TMEM38B: variants seen among roughly 807,000 people sequenced by gnomAD.
The protein encoded by TMEM38B is transmembrane protein 38B.
In TMEM38B, 24 loss-of-function variants were observed where a neutral mutation model predicts 28.7. The observed-to-expected ratio is 0.84, with a 90% CI of 0.61 to 1.18. TMEM38B has a LOEUF of 1.18. Among genes scored for constraint, TMEM38B ranks in the 50% most tolerant of loss-of-function variants. TMEM38B has a pLI of 0.00. For synonymous variants in TMEM38B, 131 were observed against 127.7 expected (o/e 1.03, Z -0.17); for missense variants, 380 against 350.9 (o/e 1.08, Z -0.66).
intron 4 of TMEM38B, among the ~76,000 whole-genome samples, chr9:105,744,742 C>T (rs1243124089): frequency 6.6e-6 from 1 of 152,066 alleles, no homozygotes; most frequent in East Asian, 1.9e-4. Context: ...CCCATTTCCC[C>T]CACCCCATGA....
chr9:105,729,086 T>G (rs997978334), intron 4 of TMEM38B, among the ~76,000 whole-genome samples: 25 of 152,230 alleles, frequency 1.6e-4, no homozygotes, highest in Admixed American at 1.5e-3. Context: ...TTAGTTTAAT[T>G]AGATCCCATT....
intron 4 of TMEM38B, among the ~76,000 whole-genome samples, chr9:105,731,265 G>T (rs1011016326): frequency 9.9e-5 from 15 of 151,414 alleles, no homozygotes; most frequent in African/African-American, 3.6e-4. Flanking sequence ...GTACGTTGTA[G>T]CTTTGTTCTC....
intron 5 of TMEM38B, among the ~76,000 whole-genome samples, chr9:105,750,446 A>G (rs1453340326): frequency 1.3e-5 from 2 of 152,258 alleles, no homozygotes; most frequent in East Asian, 3.9e-4. Context: ...CAACATGGTG[A>G]AACCCCATCT....
intron 4 of TMEM38B, among the ~76,000 whole-genome samples, chr9:105,738,226 A>AG (rs1374155870): frequency 6.6e-6 from 1 of 151,838 alleles, no homozygotes. Context: ...GGTCTGCAGA[A>AG]GTCCACAGTG....
intron 4 of TMEM38B, among the ~76,000 whole-genome samples, chr9:105,736,999 A>T (rs996556968): frequency 6.6e-6 from 1 of 152,150 alleles, no homozygotes; most frequent in East Asian, 1.9e-4. Context: ...TTTTCCCAGC[A>T]ACGGGATGGA....
intron 1 of TMEM38B, among the ~76,000 whole-genome samples, chr9:105,699,093 A>G (rs543902900): frequency 2.0e-5 from 3 of 152,146 alleles, no homozygotes; most frequent in East Asian, 3.9e-4. Flanking sequence ...TTTACACTCC[A>G]TATATGTCTT....
intron 4 of TMEM38B, among the ~76,000 whole-genome samples, chr9:105,738,210 C>T (rs1401725681): frequency 6.6e-6 from 1 of 151,812 alleles, no homozygotes; most frequent in Non-Finnish European, 1.5e-5. Context: ...GGCTCAGTAC[C>T]TATGAGGTCT....
intron 3 of TMEM38B, 58 bp from the exon 4 acceptor site, chr9:105,722,476 A>C: frequency 2.3e-6 from 3 of 1,324,024 alleles, no homozygotes; most frequent in Non-Finnish European, 3.3e-6. Context: ...GGCTCCCTTT[A>C]AATATGTTTT....
In TMEM38B at chr9:105,694,782, G is replaced by C; in HGVS notation, c.112+10G>C. 6.2e-7 allele frequency: 1 copy of C among 1,608,086 alleles called. No individual in the cohort carries two copies. Among genetic ancestry groups the C allele is most frequent in the Non-Finnish European group, 8.5e-7 (1 of 1,176,986 alleles). ...GTGAAACGTCAGCCGGGTGAGTGCG[G>C]GGCGCCGCGGGCCGGACCCCTCAGA... On this transcript the variant is annotated intron_variant, in intron 1 of 5. Coordinates refer to ENST00000374692, the MANE Select transcript of TMEM38B (RefSeq NM_018112.3).
intron 5 of TMEM38B, among the ~76,000 whole-genome samples, chr9:105,753,179 C>G (rs1371970484): frequency 2.0e-5 from 3 of 151,980 alleles, no homozygotes; most frequent in Non-Finnish European, 4.4e-5. Context: ...TGTAAAGAGA[C>G]AGAACCTATG....
intron 3 of TMEM38B, 22 bp downstream of exon 3, chr9:105,721,743 C>T: frequency 6.4e-7 from 1 of 1,553,246 alleles, no homozygotes; most frequent in South Asian, 1.2e-5. Context: ...AATATGTGTT[C>T]ATAAATATTC....
intron 4 of TMEM38B, among the ~76,000 whole-genome samples, chr9:105,732,181 T>A (rs978089725): frequency 6.6e-6 from 1 of 152,224 alleles, no homozygotes; most frequent in Non-Finnish European, 1.5e-5. Flanking sequence ...TAAATTTGTT[T>A]AAGTTCTTTG....
chr9:105,761,092 GAA>G (rs1838029382), intron 5 of TMEM38B, among the ~76,000 whole-genome samples: 1 of 152,142 alleles, frequency 6.6e-6, no homozygotes, highest in East Asian at 1.9e-4. Context: ...GTTTTTAAAA[GAA>G]AATTTATCTG....
intron 4 of TMEM38B, among the ~76,000 whole-genome samples, chr9:105,736,123 C>T (rs1287380008): frequency 1.3e-5 from 2 of 151,226 alleles, no homozygotes; most frequent in African/African-American, 2.4e-5. Context: ...CTCCTGGCCT[C>T]AAGCAGCCCT....
At chr9:105,763,391 G>A (rs761780547) in intron 5 of TMEM38B, among the ~76,000 whole-genome samples, 2 of 152,068 alleles carry the variant, frequency 1.3e-5, no homozygotes, top group African/African-American at 4.8e-5. Context: ...TATGCTTTTA[G>A]GTCTAACGTT....
rs1211113026 is a variant in TMEM38B at position 105,746,821 on chromosome 9, A to G, written c.543-1252A>G. On this transcript the variant is annotated intron_variant, in intron 4 of 5. Coordinates refer to ENST00000374692, the MANE Select transcript of TMEM38B (RefSeq NM_018112.3). ...GAATTTTGTCAAAGGCTTTTTCTGC[A>G]TCTATTGAGATAATCGTGGTTTTTG... 2.0e-5 allele frequency among the ~76,000 whole-genome samples: 3 copies of G among 152,350 alleles called. No homozygotes were observed. The East Asian group carries it at 5.8e-4, about 29-fold the overall frequency.
Position 105,775,804 on chromosome 9 carries a change from T to C in TMEM38B, c.*1724T>C, listed in dbSNP as rs1826706870. On this transcript the variant is annotated 3_prime_UTR_variant, in exon 6 of 6. Transcript: ENST00000374692. ...TAAAGATAAATTTATTAAAATAAGT[T>C]ATTTAGCACCAATGGAGTATTACAT... 1 of 152,160 alleles carries C rather than the reference T, an allele frequency of 6.6e-6. No homozygotes were observed. The allele number at this position is 152,160 out of a possible 1,614,324, so 9.4% of individuals were successfully genotyped here.
chr9:105,739,376 C>G (rs573885166), intron 4 of TMEM38B, among the ~76,000 whole-genome samples: 23 of 150,588 alleles, frequency 1.5e-4, no homozygotes, highest in African/African-American at 5.6e-4. Context: ...TTTGAGGCTT[C>G]CGTAAAAATC....
Position 105,773,945 on chromosome 9 carries a change from G to A in TMEM38B, c.741G>A (p.Trp247Ter). The A allele has an allele frequency of 6.2e-7, 1 of 1,613,710 alleles. No individual in the cohort carries two copies. The highest frequency in any genetic ancestry group is 1.1e-5 in the South Asian group (1 of 91,064). The stretch of plus-strand genomic sequence containing the variant: ...CATTGAGTTGGATGCTATTTGGCTG[G>A]CAGCAGCCGTTTTCATCATGTGAGA... ...EDTLSWMLFGWQQPFSSCEKK... is the reference protein window; with the variant it reads ...EDTLSWMLFG The change falls in exon 6 of 6, where the codon TGG becomes TGA. Residue 247 changes from tryptophan (W) to a stop codon, truncating the protein, a stop_gained. Coordinates refer to ENST00000374692, the MANE Select transcript of TMEM38B (RefSeq NM_018112.3). LOFTEE classifies it low-confidence loss of function (END_TRUNC).
Sources: allele counts gnomAD v4.1 joint callset (sites outside exome capture counted in the v4.1 genomes callset), GRCh38; gene constraint gnomAD v4.1.1; transcripts MANE v1.5; gene names NCBI Gene and HGNC (gene_info 2026-07-23, HGNC 2026-07-21).